Variants in RASSF4 observed in about 807,000 individuals in gnomAD.
RASSF4 encodes the protein Ras association domain family member 4.
RASSF4 carries 38 observed loss-of-function variants against 41.1 expected under a neutral mutation model. The ratio of observed to expected loss-of-function variants is 0.92; its 90% CI spans 0.71 to 1.21. RASSF4 has a LOEUF of 1.21. RASSF4 is among the 50% of genes most tolerant of loss of function. The pLI, the probability that RASSF4 is intolerant of heterozygous loss-of-function variation, is 0.00. For synonymous variants in RASSF4, 179 were observed against 163.4 expected (o/e 1.10, Z -0.73); for missense variants, 414 against 419.4 (o/e 0.99, Z 0.11).
At position 44,987,326 on chromosome 10, in the gene RASSF4, T is replaced by C. The variant is rs565684302; in HGVS notation, c.532-1948T>C. Among the ~76,000 whole-genome samples, 4 of 152,328 alleles carry C rather than the reference T, an allele frequency of 2.6e-5. No homozygotes were observed. In the East Asian group the frequency reaches 7.7e-4, roughly 29 times the overall value. ...ATTGGCCAGACTGGTCTTGAACTCC[T>C]GACCTCGTGATCCGCCCGCCTTTGC... is the stretch of plus-strand genomic sequence containing the variant. On this transcript the variant is annotated intron_variant, in intron 6 of 10. Transcript: ENST00000340258.
At position 44,991,963 on chromosome 10, in the gene RASSF4, A is replaced by T; in HGVS notation, c.866A>T (p.Lys289Ile). 1 of 1,613,064 alleles carries T rather than the reference A, an allele frequency of 6.2e-7. No homozygotes were observed. The highest frequency in any genetic ancestry group is 8.5e-7 in the Non-Finnish European group (1 of 1,179,088). Residue 289 changes from lysine (K) to isoleucine (I), a missense_variant, in exon 10 of 11, where the codon AAA (lysine) becomes ATA (isoleucine). Transcript: ENST00000340258. Reference protein sequence around the residue: ...PVLDSFVEKLKEEEEREIIKL... With the variant: ...PVLDSFVEKLIEEEEREIIKL... ...CTGGACAGTTTTGTTGAAAAATTAA[A>T]AGAAGAGGAAGAAAGAGAAATAATC... is the stretch of plus-strand genomic sequence containing the variant.
At chr10:44,990,854 C>T in intron 8 of RASSF4, 94 bp from the exon 9 acceptor site, 3 of 1,345,908 alleles carry the variant, frequency 2.2e-6, no homozygotes, top group Non-Finnish European at 3.1e-6. Context: ...GTTCCCTGCG[C>T]CCCTAGACGC....
At position 44,984,949 on chromosome 10, in the gene RASSF4, C is replaced by T. The variant is rs1490583096; in HGVS notation, c.510C>T (p.Asn170=). The change falls in exon 6 of 11, where the codon AAC becomes AAT. Residue 170 remains asparagine (N), a synonymous_variant. Transcript: ENST00000340258. Reference sequence around the variant, plus strand: ...TCCGGCGACACCGGTTCTCTATCAACGGCCACTTCTACAATCATAAGGTGA... The same window carrying T: ...TCCGGCGACACCGGTTCTCTATCAATGGCCACTTCTACAATCATAAGGTGA... The part of the protein sequence containing the change: ...QRIRRHRFSI[N]GHFYNHKTSV... The T allele has an allele frequency of 5.6e-6, 9 of 1,612,518 alleles. No individual in the cohort carries two copies. Among genetic ancestry groups the T allele is most frequent in the East Asian group, 4.5e-5 (2 of 44,890 alleles).
At chr10:44,982,737 TGGG>T in intron 4 of RASSF4, 74 bp downstream of exon 4, 1 of 1,501,516 alleles carries the variant, frequency 6.7e-7, no homozygotes, top group South Asian at 1.2e-5. Context: ...AGCCTCAGGG[TGGG>T]AGCCCTGTTC....
At position 44,982,068 on chromosome 10, in the gene RASSF4, G is replaced by T. The variant is rs116874261; in HGVS notation, c.139-453G>T. 1,367 of 220,434 alleles carry T rather than the reference G, an allele frequency of 6.2e-3. 9 individuals carry two copies. The highest frequency in any genetic ancestry group is 0.017 in the Admixed American group (282 of 16,140). 13.7% of individuals were successfully genotyped at this position (220,434 alleles called of 1,614,324 possible). On this transcript the variant is annotated intron_variant, in intron 3 of 10. Coordinates refer to ENST00000340258, the MANE Select transcript of RASSF4 (RefSeq NM_032023.4). ...CTGAGACACAGCTAGGACAGAGAGT[G>T]CCCACTTCTCCTCTGGTGGGTGTGG...
intron 5 of RASSF4, chr10:44,984,507 G>T: frequency 2.0e-6 from 1 of 504,064 alleles, no homozygotes; most frequent in South Asian, 3.0e-5. Context: ...TCAGTGAAGG[G>T]CCTGTTTCAG....
In RASSF4 at chr10:44,982,311, G is replaced by T. The variant is rs75774737; in HGVS notation, c.139-210G>T. ...TGTTCTGCGCTGTGCCCCTGGCCAGGCATGAGCTGAGCACATCTCAGGCTC... is the reference window on the plus strand; with the variant it reads ...TGTTCTGCGCTGTGCCCCTGGCCAGTCATGAGCTGAGCACATCTCAGGCTC... On this transcript the variant is annotated intron_variant, in intron 3 of 10. Transcript: ENST00000340258. 7.9e-3 allele frequency: 5,267 copies of T among 666,060 alleles called. 205 individuals are homozygous for T. The African/African-American group carries it at 0.084, about 11-fold the overall frequency. 41.3% of individuals were successfully genotyped at this position (666,060 alleles called of 1,614,324 possible).
intron 3 of RASSF4, chr10:44,977,420 G>C (rs540681618): frequency 6.2e-7 from 1 of 1,600,040 alleles, no homozygotes; most frequent in African/African-American, 1.3e-5. Context: ...CGGGAGGTGC[G>C]AGTAGAGTGT....
Position 44,990,973 on chromosome 10 carries a change from G to C in RASSF4, c.711G>C (p.Glu237Asp). The C allele has an allele frequency of 6.2e-7, 1 of 1,613,622 alleles. No homozygotes were observed. The highest frequency in any genetic ancestry group is 1.3e-5 in the African/African-American group (1 of 75,058). Residue 237 changes from glutamate (E) to aspartate (D), a missense_variant, in exon 9 of 11, where the codon GAG becomes GAC. Coordinates refer to ENST00000340258, the MANE Select transcript of RASSF4 (RefSeq NM_032023.4). ...AGCGGACAAAATTAAAAGACTGCGA[G>C]TACCCGCTGATTTCCAGAATCCTGC... is the stretch of plus-strand genomic sequence containing the variant. The part of the protein sequence containing the change: ...SGERTKLKDC[E>D]YPLISRILHG...
Position 44,971,760 on chromosome 10 carries a change from T to TCC in RASSF4, c.63-13_63-12insCC. ...CACACCCTAGGAGTACATGTGTGTCTTTCCCTTTTTAGGTCGGAGCTCTTA... is the reference window on the plus strand; with the variant it reads ...CACACCCTAGGAGTACATGTGTGTCTCCTTCCCTTTTTAGGTCGGAGCTCTTA... On this transcript the variant is annotated splice_polypyrimidine_tract_variant and intron_variant, in intron 2 of 10. Coordinates refer to ENST00000340258, the MANE Select transcript of RASSF4 (RefSeq NM_032023.4). 4 of 1,611,682 alleles carry TCC rather than the reference T, an allele frequency of 2.5e-6. No individual in the cohort carries two copies. The South Asian group carries it at 4.4e-5, about 18-fold the overall frequency.
intron 6 of RASSF4, among the ~76,000 whole-genome samples, chr10:44,986,020 T>A (rs1841908479): frequency 1.3e-5 from 2 of 152,224 alleles, no homozygotes; most frequent in Non-Finnish European, 2.9e-5. Context: ...ACTTGAGTAT[T>A]CTTTAAATCT....
chr10:44,967,425 C>G (rs1027187550), intron 1 of RASSF4, among the ~76,000 whole-genome samples: 2 of 152,224 alleles, frequency 1.3e-5, no homozygotes, highest in African/African-American at 4.8e-5. Context: ...CAGTGCATGC[C>G]TCTGCCAGCC....
chr10:44,979,237 C>G (rs1841597472), intron 3 of RASSF4, among the ~76,000 whole-genome samples: 1 of 152,208 alleles, frequency 6.6e-6, no homozygotes, highest in Admixed American at 6.5e-5. Context: ...CCTAGGCCTG[C>G]TCCTAGGAGA....
At chr10:44,962,319 G>A (rs1840738672) in intron 1 of RASSF4, among the ~76,000 whole-genome samples, 1 of 152,258 alleles carries the variant, frequency 6.6e-6, no homozygotes, top group East Asian at 1.9e-4. Flanking sequence ...ACATGGACAA[G>A]AGCTGTCTCA....
chr10:44,973,766 G>A (rs1841280992), intron 3 of RASSF4, among the ~76,000 whole-genome samples: 1 of 152,216 alleles, frequency 6.6e-6, no homozygotes, highest in Non-Finnish European at 1.5e-5. Flanking sequence ...GAAGCCCCAA[G>A]AGCCTCCACC....
chr10:44,989,226 C>T, intron 6 of RASSF4, 48 bp from the exon 7 acceptor site: 1 of 1,240,186 alleles, frequency 8.1e-7, no homozygotes, highest in South Asian at 1.2e-5. Context: ...ATGTCAGTCC[C>T]TTGTCCCCTC....
At chr10:44,984,288 G>A (rs984274564) in intron 5 of RASSF4, 175 bp downstream of exon 5, 25 of 628,172 alleles carry the variant, frequency 4.0e-5, no homozygotes, top group African/African-American at 2.2e-4. Flanking sequence ...CCTCATTCTC[G>A]CTCCTTTTTA....
chr10:44,984,916 C>T lies in RASSF4; in HGVS notation c.477C>T (p.Ala159=). 1 of 1,613,228 alleles carries T rather than the reference C, an allele frequency of 6.2e-7. No individual in the cohort carries two copies. Among genetic ancestry groups the T allele is most frequent in the Non-Finnish European group, 8.5e-7 (1 of 1,179,968 alleles). The part of the protein sequence containing the change: ...RRPKCRAPGE[A]QRIRRHRFSI... ...CCAAGTGCCGCGCCCCCGGTGAGGCCCAGCGCATCCGGCGACACCGGTTCT... is the reference window on the plus strand; with the variant it reads ...CCAAGTGCCGCGCCCCCGGTGAGGCTCAGCGCATCCGGCGACACCGGTTCT... The change falls in exon 6 of 11, where the codon GCC becomes GCT. Residue 159 remains alanine, a synonymous_variant. Coordinates refer to ENST00000340258, the MANE Select transcript of RASSF4 (RefSeq NM_032023.4).
Position 44,977,999 on chromosome 10 carries a change from T to G in RASSF4, c.139-4522T>G, listed in dbSNP as rs762280984. ...CGTGGTCTCCCGAATTGTGGGCAGA[T>G]GGGCCACGGAGAGCAGAAGCCGGGA... On this transcript the variant is annotated intron_variant, in intron 3 of 10. Coordinates refer to ENST00000340258, the MANE Select transcript of RASSF4 (RefSeq NM_032023.4). The G allele has an allele frequency of 6.2e-6, 10 of 1,611,470 alleles. No individual in the cohort carries two copies. The Admixed American group carries it at 1.7e-4, about 27-fold the overall frequency.
Sources: allele counts gnomAD v4.1 joint callset (sites outside exome capture counted in the v4.1 genomes callset), GRCh38; gene constraint gnomAD v4.1.1; transcripts MANE v1.5; gene names NCBI Gene and HGNC (gene_info 2026-07-23, HGNC 2026-07-21).